The following WNT5B variants were observed in gnomAD, a reference collection of about 807,000 sequenced individuals.
WNT5B encodes Wnt family member 5B.
In WNT5B, 18 loss-of-function variants were observed where a neutral mutation model predicts 36.5. That is an observed-to-expected ratio of 0.49 (90% CI 0.34 to 0.73). WNT5B has a LOEUF of 0.73. Among genes scored for constraint, WNT5B ranks in the 30% least tolerant of loss-of-function variants. The probability of loss-of-function intolerance (pLI) is 0.01; values close to 1 mark genes in which losing one functional copy is unlikely to be tolerated. For synonymous variants in WNT5B, 213 were observed against 212.3 expected, an observed-to-expected ratio of 1.00 and a Z score of -0.03; for missense variants, 424 against 508.4, an observed-to-expected ratio of 0.83 and a Z score of 1.60.
chr12:1,627,450 G>A (rs969205182), upstream of WNT5B, among the ~76,000 whole-genome samples: 1 of 152,230 alleles, frequency 6.6e-6, no homozygotes, highest in African/African-American at 2.4e-5. The surrounding 1 kb of genome is among the most constrained non-coding windows in gnomAD (Gnocchi z 5.0). Flanking sequence ...GTGGGGCAGA[G>A]ATGTTGTTTC....
chr12:1,639,599 CGGGTCCGT>C, intron 3 of WNT5B, 77 bp from the exon 4 acceptor site: 2 of 1,393,658 alleles, frequency 1.4e-6, no homozygotes, highest in South Asian at 1.5e-5. Context: ...CCGTGGCGTG[CGGGTCCGT>C]CGGGGGAGAC....
Position 1,633,041 on chromosome 12 carries a change from G to A in WNT5B, c.328+136G>A. The A allele has an allele frequency of 7.6e-7, 1 of 1,314,628 alleles. No homozygotes were observed. Among genetic ancestry groups the A allele is most frequent in the South Asian group, 1.5e-5 (1 of 65,804 alleles). The allele number at this position is 1,314,628 out of a possible 1,614,324, so 81.4% of individuals were successfully genotyped here. A position where few individuals can be genotyped will look rare whatever the true frequency, so the allele number is the denominator to read the frequency against. ...GGCTCTCTCTAGGCTTGGCAGCAGT[G>A]TGCACCACGAGAGAGGCACACGAGG... On this transcript the variant is annotated intron_variant, in intron 3 of 4. Coordinates refer to ENST00000397196, the MANE Select transcript of WNT5B (RefSeq NM_032642.3). This position sits in a 1 kb window ranked among gnomAD's most constrained non-coding sequence, Gnocchi z 4.8.
rs1159156201 is a variant in WNT5B, at chr12:1,645,949, C to G, written c.777C>G (p.Arg259=). Residue 259 remains arginine, a synonymous_variant, in exon 5 of 5, where the codon CGC becomes CGG. Transcript: ENST00000397196. ...YDSAAAMRVT[R]KGRLELVNSR... is the part of the protein sequence containing the mutation. ...GCGCGGCCGCCATGCGCGTCACCCG[C>G]AAGGGCCGGCTGGAGCTGGTCAACA... 6.8e-6 allele frequency: 11 copies of G among 1,610,316 alleles called. No individual in the cohort carries two copies. The highest frequency in any genetic ancestry group is 8.5e-6 in the Non-Finnish European group (10 of 1,179,804).
chr12:1,642,606 G>C (rs2094577566), intron 4 of WNT5B, among the ~76,000 whole-genome samples: 1 of 152,186 alleles, frequency 6.6e-6, no homozygotes, highest in Non-Finnish European at 1.5e-5. Flanking sequence ...GAGGCTGCTT[G>C]TGGCTCTGCT....
At chr12:1,621,696 C>A (rs1012596184) in intron 1 of WNT5B, among the ~76,000 whole-genome samples, 1 of 141,972 alleles carries the variant, frequency 7.0e-6, no homozygotes, top group Non-Finnish European at 1.5e-5. Flanking sequence ...CATGTGCCAC[C>A]ATATCCAGCT....
In WNT5B at chr12:1,639,759, A is replaced by AG; in HGVS notation, c.407dup (p.Glu137ArgfsTer75). 1 of 1,607,130 alleles carries AG rather than the reference A, an allele frequency of 6.2e-7. No individual in the cohort carries two copies. The highest frequency in any genetic ancestry group is 8.5e-7 in the Non-Finnish European group (1 of 1,176,738). On this transcript the variant is annotated frameshift_variant, in exon 4 of 5. Transcript: ENST00000397196. LOFTEE classifies it high-confidence loss of function. ...AACGCCATCAGCCGGGCCTGCCGCG[A>AG]GGGCGAGCTCTCCACCTGCGGCTGC...
chr12:1,625,441 C>G (rs115873398), upstream of WNT5B, among the ~76,000 whole-genome samples: 2 of 152,012 alleles, frequency 1.3e-5, no homozygotes, highest in African/African-American at 2.4e-5. Flanking sequence ...AAATGAGTGG[C>G]CAAAGGGAGA....
chr12:1,645,898 G>A lies in WNT5B; in HGVS notation c.726G>A (p.Gly242=). 1.2e-6 allele frequency: 2 copies of A among 1,611,390 alleles called. No homozygotes were observed. The highest frequency in any genetic ancestry group is 1.1e-5 in the South Asian group (1 of 91,048). Reference sequence around the variant, plus strand: ...AGCTGGCCGAGTTCCGCAAGGTCGGGGACCGGCTGAAGGAGAAGTACGACA... The same window carrying A: ...AGCTGGCCGAGTTCCGCAAGGTCGGAGACCGGCTGAAGGAGAAGTACGACA... ...WLQLAEFRKV[G]DRLKEKYDSA... is the part of the protein sequence containing the mutation. Residue 242 remains glycine (G), a synonymous_variant, in exon 5 of 5, where the codon GGG becomes GGA. Transcript: ENST00000397196.
intron 4 of WNT5B, among the ~76,000 whole-genome samples, chr12:1,641,974 G>A (rs2094576271): frequency 1.3e-5 from 2 of 152,230 alleles, no homozygotes; most frequent in African/African-American, 4.8e-5. Context: ...ATCAGGTGGA[G>A]ACCAGAGTGG....
chr12:1,626,430 AT>A (rs2094541119), upstream of WNT5B, among the ~76,000 whole-genome samples: 1 of 150,460 alleles, frequency 6.6e-6, no homozygotes, highest in Admixed American at 6.6e-5. Context: ...TGCCTGGCTA[AT>A]TTTGTATTTT....
intron 4 of WNT5B, among the ~76,000 whole-genome samples, chr12:1,642,500 C>T (rs1440887327): frequency 2.6e-5 from 4 of 152,188 alleles, no homozygotes; most frequent in African/African-American, 7.2e-5. Context: ...CTCTCTGCCC[C>T]TTTGCTTCAA....
chr12:1,628,633 G>T (rs1194567373), upstream of WNT5B, among the ~76,000 whole-genome samples: 4 of 152,164 alleles, frequency 2.6e-5, no homozygotes, highest in Non-Finnish European at 5.9e-5. Flanking sequence ...ACAAACAGGG[G>T]TCCCAATGTG....
chr12:1,631,126 C>G, intron 1 of WNT5B, 172 bp from the exon 2 acceptor site: 1 of 490,260 alleles, frequency 2.0e-6, no homozygotes, highest in African/African-American at 1.9e-5. Flanking sequence ...GACAGAAGTC[C>G]TAGGGTGGGA....
intron 3 of WNT5B, 104 bp from the exon 4 acceptor site, chr12:1,639,580 T>C: frequency 1.0e-5 from 13 of 1,303,332 alleles, no homozygotes; most frequent in Non-Finnish European, 1.3e-5. Context: ...CCCAGGGGTG[T>C]CAGCAGAGCC....
intron 1 of WNT5B, among the ~76,000 whole-genome samples, chr12:1,623,707 G>A (rs966214499): frequency 2.0e-5 from 3 of 152,034 alleles, no homozygotes; most frequent in South Asian, 2.1e-4. Context: ...GTTTCTTCAC[G>A]TGCACTCTGT....
At position 1,633,849 on chromosome 12, in the gene WNT5B, C is replaced by T. The variant is rs912104454; in HGVS notation, c.328+944C>T. Among the ~76,000 whole-genome samples the T allele has an allele frequency of 6.6e-5, 10 of 151,376 alleles. No homozygotes were observed. Among genetic ancestry groups the T allele is most frequent in the Non-Finnish European group, 1.0e-4 (7 of 67,832 alleles). On this transcript the variant is annotated intron_variant, in intron 3 of 4. Coordinates refer to ENST00000397196, the MANE Select transcript of WNT5B (RefSeq NM_032642.3). This position sits in a 1 kb window ranked among gnomAD's most constrained non-coding sequence, Gnocchi z 4.8. ...TCGTGCTCCTCTCTTAGGGAGGATA[C>T]TTGGAAGGCTCCTTCCCCCTCCCAC...
intron 1 of WNT5B, among the ~76,000 whole-genome samples, chr12:1,624,155 G>A (rs2094537965): frequency 6.6e-6 from 1 of 152,198 alleles, no homozygotes; most frequent in Non-Finnish European, 1.5e-5. Flanking sequence ...GGGAGGCCGA[G>A]GCAGGTGGAT....
intron 4 of WNT5B, 50 bp downstream of exon 4, chr12:1,640,026 T>C: frequency 6.4e-7 from 1 of 1,551,590 alleles, no homozygotes; most frequent in Non-Finnish European, 8.7e-7. Context: ...TAGGGGGCTG[T>C]TCCCGGGCTG....
chr12:1,629,773 C>T (rs530851405), intron 1 of WNT5B: 1 of 150,696 alleles, frequency 6.6e-6, no homozygotes, highest in East Asian at 2.0e-4. Context: ...CATTCACAGA[C>T]CTTCTGCCCC....
Sources: gnomAD v4.1 joint callset for allele counts (sites outside exome capture counted in the v4.1 genomes callset) on GRCh38, gnomAD v4.1.1 for gene constraint, Gnocchi (gnomAD v3.1) non-coding constraint, MANE v1.5 for transcripts, NCBI Gene and HGNC (gene_info 2026-07-23, HGNC 2026-07-21) for gene names.